Variants in QRICH2 observed in about 807,000 individuals in gnomAD.
QRICH2 encodes the protein glutamine rich 2.
Under a neutral mutation model 168.3 loss-of-function variants are expected in QRICH2, and 119 were observed. The ratio of observed to expected loss-of-function variants is 0.71; its 90% CI spans 0.61 to 0.82. QRICH2 has a LOEUF of 0.82. Among genes scored for constraint, QRICH2 ranks in the 40% least tolerant of loss-of-function variants. The pLI, the probability that QRICH2 is intolerant of heterozygous loss-of-function variation, is 0.00. For synonymous variants in QRICH2, 894 were observed against 951.2 expected, an observed-to-expected ratio of 0.94 and a Z score of 1.11; for missense variants, 2,241 against 2,491.6, an observed-to-expected ratio of 0.90 and a Z score of 2.14.
chr17:76,280,517 G>T lies in QRICH2; in HGVS notation c.4462-66C>A. 2 of 1,596,676 alleles carry T rather than the reference G, an allele frequency of 1.3e-6. No individual in the cohort carries two copies. Among genetic ancestry groups the T allele is most frequent in the Non-Finnish European group, 1.7e-6 (2 of 1,169,214 alleles). On this transcript the variant is annotated intron_variant, in intron 10 of 18. Transcript: ENST00000680821. The surrounding 1 kb of genome is among the most constrained non-coding windows in gnomAD (Gnocchi z 7.4). ...GCCATGGAGGGGCCCCATTCCCTGG[G>T]GGTGTCGACCCCTATCACCAGGCAG...
chr17:76,289,105 A>G (rs1305433114), intron 5 of QRICH2, among the ~76,000 whole-genome samples: 2 of 146,682 alleles, frequency 1.4e-5, no homozygotes, highest in South Asian at 2.1e-4. Context: ...CTGTGTCTCA[A>G]AAAAAAAAAA....
chr17:76,298,982 G>A (rs938225531), intron 3 of QRICH2, among the ~76,000 whole-genome samples: 2 of 152,078 alleles, frequency 1.3e-5, no homozygotes, highest in Non-Finnish European at 2.9e-5. Context: ...CTGAAATGCA[G>A]GGATCTTTCC....
At chr17:76,285,968 T>A (rs557932118) in intron 7 of QRICH2, among the ~76,000 whole-genome samples, 2 of 151,922 alleles carry the variant, frequency 1.3e-5, no homozygotes, top group South Asian at 4.2e-4. Context: ...GTCAGGAGAT[T>A]GAGACCATCC....
upstream of QRICH2, chr17:76,309,644 C>T (rs1281377461): frequency 6.6e-6 from 1 of 152,222 alleles, no homozygotes; most frequent in African/African-American, 2.4e-5. Flanking sequence ...CGTACAGATT[C>T]CTGTCATGAT....
In QRICH2 at chr17:76,308,148, T is replaced by C. The variant is rs910604058; in HGVS notation, c.-150A>G. 6.6e-6 allele frequency: 8 copies of C among 1,218,466 alleles called. No individual in the cohort carries two copies. In the African/African-American group the frequency reaches 9.4e-5, roughly 14 times the overall value. The allele number at this position is 1,218,466 out of a possible 1,614,324, so 75.5% of individuals were successfully genotyped here. On this transcript the variant is annotated 5_prime_UTR_variant, in exon 1 of 19. Coordinates refer to ENST00000680821, the MANE Select transcript of QRICH2 (RefSeq NM_001388453.1). ...CGGCCGAGTCACTGGACAGAGCTCC[T>C]GCCTCCAGGGAATCTGCGCCTCCGC...
At chr17:76,275,404 G>A (rs1231448257) in intron 18 of QRICH2, among the ~76,000 whole-genome samples, 1 of 152,158 alleles carries the variant, frequency 6.6e-6, no homozygotes, top group Non-Finnish European at 1.5e-5. Context: ...AGGACCCAAG[G>A]GATCTTCCAG....
At chr17:76,286,174 CA>C (rs59117152) in intron 7 of QRICH2, among the ~76,000 whole-genome samples, 42 of 144,474 alleles carry the variant, frequency 2.9e-4, no homozygotes, top group East Asian at 4.0e-4. Flanking sequence ...GACTCCGTCT[CA>C]AAAAAAAAAA....
chr17:76,287,135 A>G, intron 7 of QRICH2, 57 bp downstream of exon 7: 2 of 1,226,416 alleles, frequency 1.6e-6, no homozygotes, highest in Non-Finnish European at 1.2e-6. Flanking sequence ...GGGCAGGGCC[A>G]AGCCAGCTCT....
intron 2 of QRICH2, 34 bp from the exon 3 acceptor site, chr17:76,304,559 C>T (rs1257529891): frequency 2.1e-6 from 3 of 1,456,668 alleles, no homozygotes; most frequent in African/African-American, 1.4e-5. Flanking sequence ...CACATACACC[C>T]CTTGATTAAT....
At chr17:76,306,780 G>A (rs1305770599) in intron 1 of QRICH2, among the ~76,000 whole-genome samples, 1 of 152,016 alleles carries the variant, frequency 6.6e-6, no homozygotes, top group Non-Finnish European at 1.5e-5. Flanking sequence ...CCAGCTACTC[G>A]GGAGGCTGAG....
upstream of QRICH2, chr17:76,308,375 C>T: frequency 1.0e-6 from 1 of 985,460 alleles, no homozygotes; most frequent in Non-Finnish European, 1.2e-6. Context: ...CCACAAGGAT[C>T]ACAAGGGGAG....
rs1204492449 is a variant in QRICH2, at chr17:76,291,803, C to T, written c.2924G>A (p.Gly975Asp). The stretch of plus-strand genomic sequence containing the variant: ...TGCTATCAAGCCTGGCTGATATGCA[C>T]CAGGTTGTCTCAAACCATACTGATC... ...GMDQYGLRQP[G>D]AYQPGLIAPG... Residue 975 changes from glycine (G) to aspartate (D), a missense_variant, in exon 4 of 19, where the codon GGT becomes GAT. Transcript: ENST00000680821. 1.9e-6 allele frequency: 3 copies of T among 1,614,188 alleles called. No individual in the cohort carries two copies. The highest frequency in any genetic ancestry group is 1.7e-5 in the Admixed American group (1 of 60,016).
intron 3 of QRICH2, among the ~76,000 whole-genome samples, chr17:76,304,115 T>C (rs1027177195): frequency 6.6e-6 from 1 of 152,010 alleles, no homozygotes; most frequent in Non-Finnish European, 1.5e-5. Flanking sequence ...GCTGGGGGGA[T>C]GTCAGGGAAC....
At position 76,281,045 on chromosome 17, in the gene QRICH2, C is replaced by T; in HGVS notation, c.4264-92G>A. 2 of 1,503,668 alleles carry T rather than the reference C, an allele frequency of 1.3e-6. No individual in the cohort carries two copies. Among genetic ancestry groups the T allele is most frequent in the South Asian group, 1.2e-5 (1 of 80,718 alleles). 93.1% of individuals were successfully genotyped at this position (1,503,668 alleles called of 1,614,324 possible). A position where few individuals can be genotyped will look rare whatever the true frequency, so the allele number is the denominator to read the frequency against. On this transcript the variant is annotated intron_variant, in intron 8 of 18. Transcript: ENST00000680821. This position sits in a 1 kb window ranked among gnomAD's most constrained non-coding sequence, Gnocchi z 4.4. The stretch of plus-strand genomic sequence containing the variant: ...TATTGCTGCCCCAGGTAAGTTGGCC[C>T]TTAAAACATCTGCAAGGCTGGGAGC...
At chr17:76,277,841 C>T (rs1195854790) in intron 15 of QRICH2, 148 bp downstream of exon 15, 4 of 798,340 alleles carry the variant, frequency 5.0e-6, no homozygotes, top group Admixed American at 2.2e-5. Context: ...CACACACTAA[C>T]ACCCCTCGCC....
intron 6 of QRICH2, among the ~76,000 whole-genome samples, 182 bp from the exon 7 acceptor site, chr17:76,287,488 G>A (rs978435741): frequency 6.6e-6 from 1 of 152,154 alleles, no homozygotes; most frequent in African/African-American, 2.4e-5. Context: ...GCTTCTGGGC[G>A]GTAGGACTGG....
In QRICH2 at chr17:76,290,095, C is replaced by T; in HGVS notation, c.3713-18G>A. On this transcript the variant is annotated intron_variant, in intron 4 of 18. Coordinates refer to ENST00000680821, the MANE Select transcript of QRICH2 (RefSeq NM_001388453.1). ...CCTTTTGACTATGGAAAGCAGAAGC[C>T]TTATGATCAGAGGGGTTAGATCTCT... 1.3e-6 allele frequency: 2 copies of T among 1,590,420 alleles called. No individual in the cohort carries two copies. The highest frequency in any genetic ancestry group is 1.7e-6 in the Non-Finnish European group (2 of 1,160,512).
chr17:76,283,338 G>A (rs569950929), intron 7 of QRICH2, among the ~76,000 whole-genome samples: 1 of 152,360 alleles, frequency 6.6e-6, no homozygotes, highest in Non-Finnish European at 1.5e-5. Context: ...GGAGGCCAAG[G>A]TGGCTAAAGA....
At chr17:76,275,695 TC>T in intron 18 of QRICH2, 123 bp downstream of exon 18, 47 of 1,255,104 alleles carry the variant, frequency 3.7e-5, no homozygotes, top group South Asian at 4.6e-5. Context: ...TCCACACCCA[TC>T]CCCCCCTTCG....
Sources: gnomAD v4.1 joint callset for allele counts (sites outside exome capture counted in the v4.1 genomes callset) on GRCh38, gnomAD v4.1.1 for gene constraint, Gnocchi (gnomAD v3.1) non-coding constraint, MANE v1.5 for transcripts, NCBI Gene and HGNC (gene_info 2026-07-23, HGNC 2026-07-21) for gene names.